The following KALRN variants were observed in gnomAD, a reference collection of about 807,000 sequenced individuals.
KALRN encodes kalirin.
A neutral mutation model predicts 353.7 loss-of-function variants in KALRN; 70 were observed. The observed-to-expected ratio is 0.20, with a 90% confidence interval of 0.16 to 0.24. The LOEUF (loss-of-function observed/expected upper bound fraction) is 0.24. Ranked by LOEUF, KALRN falls within the 10% of genes least tolerant of loss-of-function variation. The pLI, the probability that KALRN is intolerant of heterozygous loss-of-function variation, is 1.00. For missense variants in KALRN, 2,791 were observed against 3,756.7 expected, an observed-to-expected ratio of 0.74 and a Z score of 6.72; for synonymous variants, 1,391 against 1,434.8, an observed-to-expected ratio of 0.97 and a Z score of 0.69.
At chr3:124,625,487 G>A (rs1032242464) in intron 34 of KALRN, among the ~76,000 whole-genome samples, 3 of 151,998 alleles carry the variant, frequency 2.0e-5, no homozygotes, top group Non-Finnish European at 4.4e-5. Flanking sequence ...TTTGAAGGCT[G>A]AGGCAGGAGG....
chr3:124,386,483 A>G (rs2088343499), intron 11 of KALRN, among the ~76,000 whole-genome samples: 1 of 152,088 alleles, frequency 6.6e-6, no homozygotes, highest in Non-Finnish European at 1.5e-5. Flanking sequence ...CATGGCTTCC[A>G]GGAATTCCTC....
chr3:124,598,264 G>T (rs1359370678), intron 34 of KALRN, among the ~76,000 whole-genome samples: 2 of 152,184 alleles, frequency 1.3e-5, no homozygotes, highest in African/African-American at 4.8e-5. Flanking sequence ...AGCTGGTCTT[G>T]ATGAAATCAA....
intron 25 of KALRN, among the ~76,000 whole-genome samples, chr3:124,468,347 G>C (rs1230225332): frequency 6.6e-6 from 1 of 152,090 alleles, no homozygotes; most frequent in Non-Finnish European, 1.5e-5. Context: ...AACACAAGGG[G>C]GGGGTTGATC....
chr3:124,562,928 C>T lies in KALRN; in HGVS notation c.5021C>T (p.Thr1674Met), dbSNP rs375684753. Residue 1674 changes from threonine (T) to methionine (M), a missense_variant, in exon 34 of 60, where the codon ACG (threonine) becomes ATG (methionine). This residue lies in a region of KALRN where 239 missense variants were observed against 351.3 expected (regional missense o/e 0.68). Coordinates refer to ENST00000682506, the MANE Select transcript of KALRN (RefSeq NM_001388419.1). ...SSELTIQVGQ[T>M]VELLERPSER... ...GAGCTGACCATCCAGGTGGGGCAGA[C>T]GGTAGAGCTGCTGGAGCGGCCCAGC... is the stretch of plus-strand genomic sequence containing the variant. The T allele has an allele frequency of 3.9e-5, 54 of 1,367,902 alleles. 1 individual carries two copies. In the Middle Eastern group the frequency reaches 1.3e-3, roughly 32 times the overall value. The allele number at this position is 1,367,902 out of a possible 1,614,324, so 84.7% of individuals were successfully genotyped here. A position where few individuals can be genotyped will look rare whatever the true frequency, so the allele number is the denominator to read the frequency against.
chr3:124,548,106 T>A (rs1322441727), intron 33 of KALRN, among the ~76,000 whole-genome samples: 1 of 152,194 alleles, frequency 6.6e-6, no homozygotes, highest in Non-Finnish European at 1.5e-5. Flanking sequence ...CTTGTTCACT[T>A]TCTTTTTTAT....
Position 124,269,090 on chromosome 3 carries a change from C to A in KALRN, c.804C>A (p.Asn268Lys). Residue 268 changes from asparagine (N) to lysine (K), a missense_variant, in exon 5 of 60, where the codon AAC (asparagine) becomes AAA (lysine). Physicochemically the swap from Asn to Lys is moderately conservative, Grantham distance 94. Around this residue, in one of 11 missense-constraint regions of KALRN, gnomAD observed 366 missense variants for 489.2 expected, o/e 0.75. Coordinates refer to ENST00000682506, the MANE Select transcript of KALRN (RefSeq NM_001388419.1). ...IRCSDGFSGR[N>K]CIPGSADFQS... ...GCAGCGACGGCTTCTCAGGACGCAA[C>A]TGCATCCCGGGCAGTGCTGACTTCC... 6.2e-7 allele frequency: 1 copy of A among 1,612,734 alleles called. No homozygotes were observed. The highest frequency in any genetic ancestry group is 8.5e-7 in the Non-Finnish European group (1 of 1,179,572).
chr3:124,109,563 A>G (rs1006586663), intron 1 of KALRN, among the ~76,000 whole-genome samples: 2 of 151,730 alleles, frequency 1.3e-5, no homozygotes, highest in Non-Finnish European at 2.9e-5. Context: ...TTTTTGTTTG[A>G]TAATTCCATT....
rs190383025 is a variant in KALRN, at chr3:124,172,948, A to G, written c.74-55042A>G. Among the ~76,000 whole-genome samples the G allele has an allele frequency of 7.1e-4, 108 of 152,276 alleles. No homozygotes were observed. In the South Asian group the frequency reaches 0.015, roughly 21 times the overall value. ...AAAGAGTTCATTGGAAAACAGATATAATAGGAATGAACAGAGCTGCTGCAA... is the reference window on the plus strand; with the variant it reads ...AAAGAGTTCATTGGAAAACAGATATGATAGGAATGAACAGAGCTGCTGCAA... On this transcript the variant is annotated intron_variant, in intron 1 of 59. Coordinates refer to ENST00000682506, the MANE Select transcript of KALRN (RefSeq NM_001388419.1).
chr3:124,677,468 A>C (rs906181526), intron 49 of KALRN: 8 of 390,494 alleles, frequency 2.0e-5, no homozygotes, highest in Non-Finnish European at 3.5e-5. Context: ...TGCTGCTCTC[A>C]CCTCCCTGGG....
chr3:124,512,648 C>G lies in KALRN; in HGVS notation c.4935+16235C>G, dbSNP rs547489983. Among the ~76,000 whole-genome samples the G allele has an allele frequency of 2.2e-4, 34 of 151,190 alleles. No individual in the cohort carries two copies. The South Asian group carries it at 5.4e-3, about 24-fold the overall frequency. The stretch of plus-strand genomic sequence containing the variant: ...CCTGGGAAACAGAGCAAGTCTCTGT[C>G]TTGGAAAAATAAAAAATAAAAACAA... On this transcript the variant is annotated intron_variant, in intron 33 of 59. Coordinates refer to ENST00000682506, the MANE Select transcript of KALRN (RefSeq NM_001388419.1).
At chr3:124,652,310 T>C (rs333305) in intron 38 of KALRN, among the ~76,000 whole-genome samples, 95,624 of 152,152 alleles carry the variant, frequency 0.63, 30,614 homozygotes, top group East Asian at 0.91. Flanking sequence ...CATGTAAATC[T>C]TGAAATTCTG....
chr3:124,685,438 G>A (rs572268522), intron 51 of KALRN, among the ~76,000 whole-genome samples: 99 of 152,318 alleles, frequency 6.5e-4, no homozygotes, highest in African/African-American at 2.3e-3. Context: ...GGGGAAACAT[G>A]TTCAGGGAGG....
chr3:124,154,535 T>C (rs1367056145), intron 1 of KALRN, among the ~76,000 whole-genome samples: 1 of 152,088 alleles, frequency 6.6e-6, no homozygotes. Flanking sequence ...AATAAAATAC[T>C]TAGGAATCCA....
At chr3:124,309,233 A>G (rs979886103) in intron 6 of KALRN, among the ~76,000 whole-genome samples, 2 of 149,992 alleles carry the variant, frequency 1.3e-5, no homozygotes, top group Admixed American at 6.7e-5. Flanking sequence ...ATTAATACTC[A>G]TTTTTTGTAA....
In KALRN at chr3:124,526,357, G is replaced by A. The variant is rs570640987; in HGVS notation, c.4935+29944G>A. Among the ~76,000 whole-genome samples, 5 of 152,064 alleles carry A rather than the reference G, an allele frequency of 3.3e-5. No individual in the cohort carries two copies. In the South Asian group the frequency reaches 1.0e-3, roughly 32 times the overall value. Reference sequence around the variant, plus strand: ...GGAGGCTGAGGCGGGCAGATCACTTGAGCCCAGGAGTTCGAGACCAGCATG... The same window carrying A: ...GGAGGCTGAGGCGGGCAGATCACTTAAGCCCAGGAGTTCGAGACCAGCATG... On this transcript the variant is annotated intron_variant, in intron 33 of 59. Transcript: ENST00000682506.
chr3:124,619,848 A>G (rs1310040979), intron 34 of KALRN, among the ~76,000 whole-genome samples: 1 of 152,128 alleles, frequency 6.6e-6, no homozygotes, highest in Non-Finnish European at 1.5e-5. Context: ...AGCTGTATCA[A>G]TCTACACTTC....
In KALRN at chr3:124,720,848, G is replaced by T. The variant is rs1490349784; in HGVS notation, c.*1378G>T. ...TCTTTATTTTTGTTCATTTGTTTTG[G>T]AGGGAGGGAGCTTGTTTTTTGTGTT... On this transcript the variant is annotated 3_prime_UTR_variant, in exon 60 of 60. Coordinates refer to ENST00000682506, the MANE Select transcript of KALRN (RefSeq NM_001388419.1). 3 of 152,116 alleles carry T rather than the reference G, an allele frequency of 2.0e-5. No individual in the cohort carries two copies. Among genetic ancestry groups the T allele is most frequent in the Non-Finnish European group, 2.9e-5 (2 of 68,012 alleles). 9.4% of individuals were successfully genotyped at this position (152,116 alleles called of 1,614,324 possible).
intron 23 of KALRN, among the ~76,000 whole-genome samples, chr3:124,460,327 T>C (rs1311571101): frequency 2.0e-5 from 3 of 152,172 alleles, no homozygotes; most frequent in African/African-American, 4.8e-5. Flanking sequence ...TGGTTCCTTC[T>C]GTGACAACAA....
intron 8 of KALRN, among the ~76,000 whole-genome samples, chr3:124,332,239 C>T (rs991776270): frequency 6.6e-5 from 10 of 152,172 alleles, no homozygotes; most frequent in Admixed American, 2.6e-4. Flanking sequence ...TCTGTGGCCC[C>T]ATGGGCAGGA....
Sources: allele counts gnomAD v4.1 joint callset (sites outside exome capture counted in the v4.1 genomes callset), GRCh38; gene constraint gnomAD v4.1.1; regional missense constraint gnomAD v4.1.1; transcripts MANE v1.5; gene names NCBI Gene and HGNC (gene_info 2026-07-23, HGNC 2026-07-21).